The following IGSF5 variants were observed in gnomAD, a reference collection of about 807,000 sequenced individuals.
IGSF5 encodes the protein immunoglobulin superfamily member 5.
A neutral mutation model predicts 39.4 loss-of-function variants in IGSF5; 41 were observed. The observed-to-expected ratio is 1.04, with a 90% CI of 0.81 to 1.35. IGSF5 has a LOEUF of 1.35. Among genes scored for constraint, IGSF5 ranks in the 40% most tolerant of loss-of-function variants. IGSF5 has a pLI of 0.00. For synonymous variants in IGSF5, 183 were observed against 175.3 expected (o/e 1.04, Z -0.34); for missense variants, 487 against 494.6 (o/e 0.98, Z 0.15).
intron 4 of IGSF5, among the ~76,000 whole-genome samples, chr21:39,774,093 C>G (rs551834052): frequency 6.6e-6 from 1 of 152,302 alleles, no homozygotes; most frequent in East Asian, 1.9e-4. Context: ...TGCAATGAGT[C>G]TAGCTTTATT....
In IGSF5 at chr21:39,770,888, C is replaced by T. The variant is rs528678736; in HGVS notation, c.419-28C>T. The T allele has an allele frequency of 3.5e-6, 5 of 1,415,446 alleles. No individual in the cohort carries two copies. The East Asian group carries it at 7.6e-5, about 22-fold the overall frequency. 87.7% of individuals were successfully genotyped at this position (1,415,446 alleles called of 1,614,324 possible). A position where few individuals can be genotyped will look rare whatever the true frequency, so the allele number is the denominator to read the frequency against. The stretch of plus-strand genomic sequence containing the variant: ...GAAGCGAGAGGCATGGTCATGTCTT[C>T]AATGTGTTTCTCTCTTTTCTTCTTT... On this transcript the variant is annotated intron_variant, in intron 3 of 8. Coordinates refer to ENST00000380588, the MANE Select transcript of IGSF5 (RefSeq NM_001080444.2).
chr21:39,738,697 C>T, the IGSF5 span, among the ~76,000 whole-genome samples: 2 of 151,118 alleles, frequency 1.3e-5, no homozygotes, highest in Admixed American at 6.6e-5. This position sits in a 1 kb window ranked among gnomAD's most constrained non-coding sequence, Gnocchi z 6.4. Context: ...GGACACTGGG[C>T]GAGTAGACAC....
At chr21:39,728,721 G>A in the IGSF5 span, among the ~76,000 whole-genome samples, 8 of 152,202 alleles carry the variant, frequency 5.3e-5, no homozygotes, top group African/African-American at 1.9e-4. Flanking sequence ...TGCAAAGAGG[G>A]AGACACTGCT....
At position 39,745,851 on chromosome 21, in the gene IGSF5, A is replaced by G. The variant is rs897033142; in HGVS notation, c.17+325A>G. On this transcript the variant is annotated intron_variant, in intron 1 of 8. Coordinates refer to ENST00000380588, the MANE Select transcript of IGSF5 (RefSeq NM_001080444.2). The stretch of plus-strand genomic sequence containing the variant: ...TAAGGAAGGCTAGGACAGTATAGCA[A>G]GCGAAAGTGGTCCAATATTACTCAC... Among the ~76,000 whole-genome samples, 3 of 151,590 alleles carry G rather than the reference A, an allele frequency of 2.0e-5. No homozygotes were observed. The East Asian group carries it at 5.9e-4, about 30-fold the overall frequency.
chr21:39,762,390 ATT>A (rs1392528007), intron 2 of IGSF5, among the ~76,000 whole-genome samples: 3 of 152,096 alleles, frequency 2.0e-5, no homozygotes, highest in Non-Finnish European at 2.9e-5. Flanking sequence ...AGATTCAAAG[ATT>A]TTCTAATTGG....
At chr21:39,787,385 A>T (rs2086928589) in intron 5 of IGSF5, among the ~76,000 whole-genome samples, 1 of 152,212 alleles carries the variant, frequency 6.6e-6, no homozygotes, top group Admixed American at 6.5e-5. Context: ...CAAGCTTGAT[A>T]TATAGAAGGC....
chr21:39,749,947 A>G (rs1256119743), intron 2 of IGSF5, among the ~76,000 whole-genome samples: 3 of 152,246 alleles, frequency 2.0e-5, no homozygotes, highest in Non-Finnish European at 4.4e-5. Context: ...TGTGAAGATC[A>G]GCTACAATTT....
At chr21:39,771,240 A>G in intron 4 of IGSF5, 25 bp downstream of exon 4, 1 of 1,496,904 alleles carries the variant, frequency 6.7e-7, no homozygotes, top group Non-Finnish European at 8.9e-7. Context: ...TCTGCTTTAT[A>G]TGAAATGAAT....
the IGSF5 span, among the ~76,000 whole-genome samples, chr21:39,715,007 C>CTTCT: frequency 7.3e-5 from 9 of 122,708 alleles, no homozygotes; most frequent in African/African-American, 3.6e-4. Flanking sequence ...GGCCAGGACT[C>CTTCT]TTCCTTCCTT....
intron 8 of IGSF5, among the ~76,000 whole-genome samples, chr21:39,796,497 C>T (rs2086996804): frequency 6.6e-6 from 1 of 152,210 alleles, no homozygotes; most frequent in South Asian, 2.1e-4. Flanking sequence ...CTTATAGAGC[C>T]CAGGAGAGAC....
intron 8 of IGSF5, among the ~76,000 whole-genome samples, chr21:39,800,197 CAA>C (rs2146298231): frequency 6.6e-6 from 1 of 152,206 alleles, no homozygotes; most frequent in Non-Finnish European, 1.5e-5. Context: ...ATATTTAAAA[CAA>C]AGAATCCTCC....
intron 8 of IGSF5, 82 bp downstream of exon 8, chr21:39,793,695 G>A (rs2086978680): frequency 1.8e-6 from 2 of 1,097,744 alleles, no homozygotes; most frequent in Non-Finnish European, 2.8e-6. Context: ...TTATAAAATG[G>A]TGCGCGTTGT....
chr21:39,781,192 T>C (rs2080168606), intron 5 of IGSF5, among the ~76,000 whole-genome samples: 1 of 67,496 alleles, frequency 1.5e-5, no homozygotes, highest in South Asian at 4.6e-4. Flanking sequence ...CGTGAATATT[T>C]TCTTATATTC....
At chr21:39,761,106 C>T (rs1202541212) in intron 2 of IGSF5, among the ~76,000 whole-genome samples, 1 of 152,108 alleles carries the variant, frequency 6.6e-6, no homozygotes, top group Non-Finnish European at 1.5e-5. Context: ...AACCCATACA[C>T]CTACAACCAT....
the IGSF5 span, among the ~76,000 whole-genome samples, chr21:39,723,963 A>G: frequency 2.0e-5 from 3 of 152,080 alleles, no homozygotes; most frequent in Non-Finnish European, 4.4e-5. Flanking sequence ...CCTGGCTAAC[A>G]TGGTGAAGCC....
At chr21:39,757,256 T>A (rs1418443400) in intron 2 of IGSF5, among the ~76,000 whole-genome samples, 1 of 68,918 alleles carries the variant, frequency 1.5e-5, no homozygotes, top group African/African-American at 5.3e-5. Context: ...GGCCATATCA[T>A]CTATTTATTC....
At chr21:39,729,253 T>C in the IGSF5 span, 1 of 152,178 alleles carries the variant, frequency 6.6e-6, no homozygotes, top group Non-Finnish European at 1.5e-5. Flanking sequence ...CTCCAGCCAG[T>C]AGAAAGGTGA....
chr21:39,777,240 G>C (rs1249717374), intron 4 of IGSF5, among the ~76,000 whole-genome samples: 3 of 152,174 alleles, frequency 2.0e-5, no homozygotes, highest in Non-Finnish European at 4.4e-5. Flanking sequence ...ATCTGTGGGA[G>C]GGGGAGTGTG....
the IGSF5 span, chr21:39,727,793 C>G: frequency 5.3e-5 from 8 of 152,216 alleles, no homozygotes; most frequent in Non-Finnish European, 8.8e-5. Context: ...GGTGCTCTGC[C>G]TCATGCCCTC....
Sources: gnomAD v4.1 joint callset for allele counts (sites outside exome capture counted in the v4.1 genomes callset) on GRCh38, gnomAD v4.1.1 for gene constraint, Gnocchi (gnomAD v3.1) non-coding constraint, MANE v1.5 for transcripts, NCBI Gene and HGNC (gene_info 2026-07-23, HGNC 2026-07-21) for gene names.